Variants in TMEM196 observed in about 807,000 individuals in gnomAD.
TMEM196 encodes transmembrane protein 196.
In TMEM196, 17 loss-of-function variants were observed where a neutral mutation model predicts 20.0. The observed-to-expected ratio is 0.85, with a 90% CI of 0.58 to 1.27. TMEM196 has a LOEUF of 1.27. Among genes scored for constraint, TMEM196 ranks in the 50% most tolerant of loss-of-function variants. The pLI is 0.00. For missense variants in TMEM196, 267 were observed against 223.0 expected (o/e 1.20, Z -1.26); for synonymous variants, 113 against 88.9 (o/e 1.27, Z -1.52).
chr7:19,721,529 T>C lies in TMEM196; in HGVS notation c.*599A>G, dbSNP rs78095897. 0.026 allele frequency: 3,888 copies of C among 152,180 alleles called. 79 individuals carry two copies. The highest frequency in any genetic ancestry group is 0.069 in the South Asian group (332 of 4,828). 9.4% of individuals were successfully genotyped at this position (152,180 alleles called of 1,614,324 possible). A position where few individuals can be genotyped will look rare whatever the true frequency, so the allele number is the denominator to read the frequency against. On this transcript the variant is annotated 3_prime_UTR_variant, in exon 5 of 5. Transcript: ENST00000405844. ...ATTCTCTCTCTCTAAAAAGTCTCTTTTTTATGCTTGAGGTTTTTTGTCATT... is the reference window on the plus strand; with the variant it reads ...ATTCTCTCTCTCTAAAAAGTCTCTTCTTTATGCTTGAGGTTTTTTGTCATT...
intron 1 of TMEM196, among the ~76,000 whole-genome samples, chr7:19,746,306 C>T (rs1784747597): frequency 6.6e-6 from 1 of 152,114 alleles, no homozygotes; most frequent in South Asian, 2.1e-4. Context: ...ATGAGTACCA[C>T]GTGGGAGTAC....
intron 2 of TMEM196, 105 bp downstream of exon 2, chr7:19,729,277 A>G (rs1260264314): frequency 1.2e-5 from 10 of 811,940 alleles, no homozygotes; most frequent in Non-Finnish European, 1.7e-5. Context: ...TTTTGCCTCA[A>G]ACTAGCAATA....
intron 1 of TMEM196, among the ~76,000 whole-genome samples, chr7:19,763,055 A>G (rs182403432): frequency 6.6e-6 from 1 of 152,214 alleles, no homozygotes; most frequent in East Asian, 1.9e-4. Flanking sequence ...TTATCTTTTT[A>G]CCTTCTCTGT....
intron 1 of TMEM196, among the ~76,000 whole-genome samples, chr7:19,745,441 A>G (rs976592993): frequency 8.6e-5 from 13 of 152,016 alleles, no homozygotes; most frequent in African/African-American, 2.7e-4. Context: ...AGGGTTGATA[A>G]TGAGTATGCC....
Position 19,722,137 on chromosome 7 carries a change from G to T in TMEM196, c.534-3C>A. 6.2e-7 allele frequency: 1 copy of T among 1,604,526 alleles called. No homozygotes were observed. The highest frequency in any genetic ancestry group is 8.5e-7 in the Non-Finnish European group (1 of 1,175,456). On this transcript the variant is annotated splice_region_variant and splice_polypyrimidine_tract_variant and intron_variant, in intron 4 of 4. Coordinates refer to ENST00000405844, the MANE Select transcript of TMEM196 (RefSeq NM_001363562.2). The stretch of plus-strand genomic sequence containing the variant: ...TTGCTCATGTTGTCTGTTATTTCCT[G>T]TTAGAAAAATGACATGATTAATTAA...
intron 1 of TMEM196, among the ~76,000 whole-genome samples, chr7:19,757,087 A>C (rs1340409484): frequency 6.6e-6 from 1 of 152,144 alleles, no homozygotes; most frequent in African/African-American, 2.4e-5. Flanking sequence ...AATTAGCTCT[A>C]AAGGCAGTTT....
chr7:19,755,864 A>C (rs1449421536), intron 1 of TMEM196, among the ~76,000 whole-genome samples: 1 of 152,096 alleles, frequency 6.6e-6, no homozygotes, highest in African/African-American at 2.4e-5. Context: ...CCCTGTCTCC[A>C]CTAAAAATAT....
At chr7:19,743,088 T>C (rs1489664105) in intron 1 of TMEM196, among the ~76,000 whole-genome samples, 1 of 152,158 alleles carries the variant, frequency 6.6e-6, no homozygotes, top group Non-Finnish European at 1.5e-5. Context: ...ATGGGAAGTT[T>C]TGTGTAGTTT....
Position 19,725,758 on chromosome 7 carries a change from AAG to A in TMEM196, c.213_214del (p.Ala74LeufsTer58). On this transcript the variant is annotated frameshift_variant, in exon 3 of 5. Transcript: ENST00000405844. LOFTEE classifies it high-confidence loss of function. ...AAGTCCACAGATACAGCAGGCTGAA[AAG>A]AGGATCATCTGATAAGAAAAAGAAA... The A allele has an allele frequency of 1.2e-6, 2 of 1,600,930 alleles. No individual in the cohort carries two copies. The highest frequency in any genetic ancestry group is 1.7e-6 in the Non-Finnish European group (2 of 1,170,750).
At chr7:19,742,810 A>G (rs1021115187) in intron 1 of TMEM196, among the ~76,000 whole-genome samples, 2 of 152,166 alleles carry the variant, frequency 1.3e-5, no homozygotes, top group African/African-American at 4.8e-5. Flanking sequence ...ATGCAGACTC[A>G]TGTAAGAGTC....
chr7:19,733,559 G>C lies in TMEM196; in HGVS notation c.148-4121C>G, dbSNP rs1331673879. Reference sequence around the variant, plus strand: ...GACCTTCTTTTTTATGAAGCAAAAGGCTTAGGCTTCTGGCAGAAGGGTAGC... The same window carrying C: ...GACCTTCTTTTTTATGAAGCAAAAGCCTTAGGCTTCTGGCAGAAGGGTAGC... On this transcript the variant is annotated intron_variant, in intron 1 of 4. Transcript: ENST00000405844. Among the ~76,000 whole-genome samples, 3 of 152,100 alleles carry C rather than the reference G, an allele frequency of 2.0e-5. No individual in the cohort carries two copies. The Middle Eastern group carries it at 0.01, about 517-fold the overall frequency.
chr7:19,739,434 T>G (rs1393044192), intron 1 of TMEM196, among the ~76,000 whole-genome samples: 1 of 152,102 alleles, frequency 6.6e-6, no homozygotes, highest in Non-Finnish European at 1.5e-5. Context: ...ATTGCTATAG[T>G]CTGAATATTT....
At chr7:19,724,005 A>G (rs1346622262) in intron 4 of TMEM196, among the ~76,000 whole-genome samples, 1 of 151,990 alleles carries the variant, frequency 6.6e-6, no homozygotes, top group Non-Finnish European at 1.5e-5. Flanking sequence ...GTAGCAGACA[A>G]TAAAAGGAGT....
chr7:19,752,618 T>C (rs1785031995), intron 1 of TMEM196, among the ~76,000 whole-genome samples: 3 of 151,868 alleles, frequency 2.0e-5, no homozygotes, highest in Admixed American at 2.0e-4. Flanking sequence ...TCTTTCTTTC[T>C]TTCTTTCTTT....
intron 1 of TMEM196, among the ~76,000 whole-genome samples, chr7:19,742,600 G>T (rs1325897941): frequency 6.6e-6 from 1 of 152,144 alleles, no homozygotes; most frequent in Non-Finnish European, 1.5e-5. Context: ...TCTTGGGAAT[G>T]AGGCAGTGTA....
At chr7:19,742,854 C>T (rs1488193179) in intron 1 of TMEM196, among the ~76,000 whole-genome samples, 2 of 152,158 alleles carry the variant, frequency 1.3e-5, no homozygotes, top group South Asian at 2.1e-4. Context: ...CTCACATACT[C>T]TAAGGACTCC....
chr7:19,756,798 A>G (rs1295314449), intron 1 of TMEM196, among the ~76,000 whole-genome samples: 1 of 152,146 alleles, frequency 6.6e-6, no homozygotes, highest in African/African-American at 2.4e-5. Context: ...TTATGTCTGC[A>G]TAGTATCCCA....
intron 1 of TMEM196, among the ~76,000 whole-genome samples, chr7:19,732,745 G>A (rs1784258865): frequency 6.6e-6 from 1 of 151,650 alleles, no homozygotes; most frequent in Admixed American, 6.6e-5. Context: ...TATAACTTCT[G>A]ATGTAATCAA....
intron 1 of TMEM196, among the ~76,000 whole-genome samples, chr7:19,768,780 T>C (rs990980027): frequency 6.6e-6 from 1 of 152,154 alleles, no homozygotes; most frequent in African/African-American, 2.4e-5. Context: ...TCCTTCTAAT[T>C]GCCCATATTT....
Sources: gnomAD v4.1 joint callset for allele counts (sites outside exome capture counted in the v4.1 genomes callset) on GRCh38, gnomAD v4.1.1 for gene constraint, MANE v1.5 for transcripts, NCBI Gene and HGNC (gene_info 2026-07-23, HGNC 2026-07-21) for gene names.